CFAP47: variants seen among roughly 807,000 people sequenced by gnomAD.
CFAP47 encodes cilia and flagella associated protein 47.
Under a neutral mutation model 148.1 loss-of-function variants are expected in CFAP47, and 29 were observed. The ratio of observed to expected loss-of-function variants is 0.20; its 90% CI spans 0.15 to 0.27. The LOEUF is 0.27. Ranked by LOEUF, CFAP47 falls within the 10% of genes least tolerant of loss-of-function variation. CFAP47 has a pLI of 1.00. For missense variants in CFAP47, 1,872 were observed against 1,697.5 expected, an observed-to-expected ratio of 1.10 and a Z score of -1.81; for synonymous variants, 664 against 577.3, an observed-to-expected ratio of 1.15 and a Z score of -2.15.
intron 26 of CFAP47, among the ~76,000 whole-genome samples, chrX:36,050,147 T>G (rs777327864): frequency 9.0e-6 from 1 of 111,368 alleles, no homozygotes; most frequent in African/African-American, 3.3e-5. Flanking sequence ...GAAAATGGAC[T>G]AATACGGTAA....
In CFAP47 at chrX:36,200,446, T is replaced by C. The variant is rs1291739008; in HGVS notation, c.6389T>C (p.Met2130Thr). The C allele has an allele frequency of 3.4e-6, 1 of 295,323 alleles. No homozygotes were observed. Among genetic ancestry groups the C allele is most frequent in the Non-Finnish European group, 5.9e-6 (1 of 169,563 alleles). The allele number at this position is 295,323 out of a possible 1,213,427, so 24.3% of individuals were successfully genotyped here. ...MTPLPSSCLP[M>T]NTSSSPVYYS... ...CCCTTGCCTTCCAGTTGCCTTCCAA[T>C]GAATACGTCTTCAAGTCCAGTTTAT... is the stretch of plus-strand genomic sequence containing the variant. Residue 2130 changes from methionine to threonine, a missense_variant, in exon 43 of 64, where the codon ATG becomes ACG. Met to Thr is a moderately conservative substitution (Grantham distance 81). Coordinates refer to ENST00000378653, the MANE Select transcript of CFAP47 (RefSeq NM_001304548.2).
At chrX:36,139,019 C>T (rs1939095704) in intron 35 of CFAP47, among the ~76,000 whole-genome samples, 1 of 110,325 alleles carries the variant, frequency 9.1e-6, no homozygotes, top group Admixed American at 9.7e-5. Flanking sequence ...TACTTAGGGG[C>T]AATAAAATGG....
At chrX:36,131,158 A>G (rs1345369001) in intron 33 of CFAP47, among the ~76,000 whole-genome samples, 1 of 111,107 alleles carries the variant, frequency 9.0e-6, no homozygotes, top group Non-Finnish European at 1.9e-5. Context: ...TGCCTGTATC[A>G]AAACATCTCA....
Position 36,073,288 on chromosome X carries a change from G to A in CFAP47, c.4615G>A (p.Ala1539Thr). Residue 1539 changes from alanine to threonine, a missense_variant, in exon 29 of 64, where the codon GCA (alanine) becomes ACA (threonine). Coordinates refer to ENST00000378653, the MANE Select transcript of CFAP47 (RefSeq NM_001304548.2). ...CTACTTTTTTGAGAAGGTTGTAAAT[G>A]CAGCACAGACCTGGTTCAGTCTCTT... ...AHYFFEKVVN[A>T]AQTWFSLFGW... 1.7e-6 allele frequency: 2 copies of A among 1,210,519 alleles called. No homozygotes were observed. Among genetic ancestry groups the A allele is most frequent in the Non-Finnish European group, 2.2e-6 (2 of 894,711 alleles).
Position 36,096,898 on chromosome X carries a change from T to C in CFAP47, c.4917-1895T>C, listed in dbSNP as rs376032243. Among the ~76,000 whole-genome samples the C allele has an allele frequency of 1.5e-4, 17 of 111,628 alleles. No homozygotes were observed. In the East Asian group the frequency reaches 2.3e-3, roughly 15 times the overall value. ...GCCTTTTTAAAATTTCTTTTCTCAT[T>C]GTCTCCTCTTTCTTCTTTCTTTTCT... On this transcript the variant is annotated intron_variant, in intron 30 of 63. Transcript: ENST00000378653.
At chrX:36,140,042 A>G (rs1220233844) in intron 35 of CFAP47, among the ~76,000 whole-genome samples, 1 of 111,820 alleles carries the variant, frequency 8.9e-6, no homozygotes, top group Non-Finnish European at 1.9e-5. Context: ...TACAATTCCC[A>G]TAAATTCAAC....
At chrX:36,221,893 C>G (rs960710883) in intron 45 of CFAP47, among the ~76,000 whole-genome samples, 20 of 111,324 alleles carry the variant, frequency 1.8e-4, no homozygotes, top group African/African-American at 6.2e-4. Context: ...TATTAGACCT[C>G]TCTCAATAAT....
intron 45 of CFAP47, chrX:36,211,633 G>A: frequency 4.7e-6 from 1 of 212,583 alleles, no homozygotes; most frequent in Non-Finnish European, 8.9e-6. Context: ...GCAAAAAAAA[G>A]GGAGTTGTAA....
intron 57 of CFAP47, among the ~76,000 whole-genome samples, chrX:36,341,732 AGC>A (rs1453046953): frequency 3.0e-4 from 33 of 110,944 alleles, no homozygotes; most frequent in African/African-American, 1.0e-3. Flanking sequence ...TTAAAAGCAA[AGC>A]ACAAATAATA....
intron 23 of CFAP47, among the ~76,000 whole-genome samples, chrX:36,035,124 A>G (rs1022826231): frequency 1.8e-5 from 2 of 110,947 alleles, no homozygotes; most frequent in Non-Finnish European, 3.8e-5. Context: ...CTCATTTTTT[A>G]CACTTCATTT....
chrX:36,227,292 G>T (rs1940280870), intron 45 of CFAP47, among the ~76,000 whole-genome samples: 1 of 111,693 alleles, frequency 9.0e-6, no homozygotes, highest in Non-Finnish European at 1.9e-5. Context: ...TCTTGAACTT[G>T]TTGGATGTAA....
intron 45 of CFAP47, among the ~76,000 whole-genome samples, chrX:36,212,669 G>T (rs1312632253): frequency 1.8e-5 from 2 of 110,669 alleles, no homozygotes. Flanking sequence ...AAAAGTAATT[G>T]CTTTCTTAAT....
chrX:36,001,617 A>G lies in CFAP47; in HGVS notation c.3327A>G (p.Glu1109=), dbSNP rs1427509269. The G allele has an allele frequency of 3.4e-6, 1 of 294,261 alleles. No individual in the cohort carries two copies. The highest frequency in any genetic ancestry group is 2.7e-5 in the African/African-American group (1 of 36,395). The allele number at this position is 294,261 out of a possible 1,213,427, so 24.3% of individuals were successfully genotyped here. A position where few individuals can be genotyped will look rare whatever the true frequency, so the allele number is the denominator to read the frequency against. Residue 1109 remains glutamate (E), a synonymous_variant, in exon 21 of 64, where the codon GAA becomes GAG. Coordinates refer to ENST00000378653, the MANE Select transcript of CFAP47 (RefSeq NM_001304548.2). ...GTACTTTTTCACCTCTTACAGAAGA[A>G]TTTAAAGACCCTGCAGTTCCTTATA... The part of the protein sequence containing the change: ...FSMDLKDKSE[E]FKDPAVPYIY...
intron 60 of CFAP47, among the ~76,000 whole-genome samples, chrX:36,360,141 C>T (rs1569325854): frequency 9.0e-6 from 1 of 111,632 alleles, no homozygotes; most frequent in East Asian, 2.8e-4. Flanking sequence ...TTGAGAAATC[C>T]ACTGATAGTG....
intron 13 of CFAP47, 116 bp downstream of exon 13, chrX:35,972,081 T>A (rs746410317): frequency 1.0e-5 from 5 of 491,523 alleles, no homozygotes; most frequent in Non-Finnish European, 1.7e-5. Flanking sequence ...TTTGGAAATA[T>A]AAGAAGTCCT....
chrX:36,239,215 C>T (rs1196866934), intron 48 of CFAP47, among the ~76,000 whole-genome samples: 1 of 111,790 alleles, frequency 8.9e-6, no homozygotes, highest in Non-Finnish European at 1.9e-5. Flanking sequence ...GAAGGTGAAG[C>T]AAGAAGGTTT....
At chrX:36,234,224 C>G (rs1161551779) in intron 46 of CFAP47, among the ~76,000 whole-genome samples, 2 of 110,347 alleles carry the variant, frequency 1.8e-5, no homozygotes, top group African/African-American at 3.3e-5. Context: ...CAACTTGGTT[C>G]CATTCTCCCC....
chrX:36,345,707 T>G (rs1941691681), intron 57 of CFAP47, among the ~76,000 whole-genome samples: 1 of 112,083 alleles, frequency 8.9e-6, no homozygotes, highest in Non-Finnish European at 1.9e-5. Context: ...GTAAAAGCAT[T>G]TAATTTATGC....
Position 35,943,622 on chromosome X carries a change from T to G in CFAP47, c.517+2224T>G, listed in dbSNP as rs1936043581. ...TCTTTCTGAAGACATGGTCCATTCT[T>G]TATGGTGTCTCTAATGTTAGTACTT... On this transcript the variant is annotated intron_variant, in intron 3 of 63. Coordinates refer to ENST00000378653, the MANE Select transcript of CFAP47 (RefSeq NM_001304548.2). Among the ~76,000 whole-genome samples the G allele has an allele frequency of 2.7e-5, 3 of 111,506 alleles. No homozygotes were observed. In the Admixed American group the frequency reaches 2.9e-4, roughly 11 times the overall value.
Sources: allele counts gnomAD v4.1 joint callset (sites outside exome capture counted in the v4.1 genomes callset), GRCh38; gene constraint gnomAD v4.1.1; transcripts MANE v1.5; gene names NCBI Gene and HGNC (gene_info 2026-07-23, HGNC 2026-07-21).